Variants in CDC5L observed in about 807,000 individuals in gnomAD.
CDC5L encodes cell division cycle 5-like protein.
Under a neutral mutation model 104.1 loss-of-function variants are expected in CDC5L, and 18 were observed. The observed-to-expected ratio is 0.17, with a 90% CI of 0.12 to 0.26. CDC5L has a LOEUF of 0.26. Among genes scored for constraint, CDC5L ranks in the 10% least tolerant of loss-of-function variants. CDC5L has a pLI of 1.00. For synonymous variants in CDC5L, 331 were observed against 322.7 expected, an observed-to-expected ratio of 1.03 and a Z score of -0.28; for missense variants, 673 against 956.9, an observed-to-expected ratio of 0.70 and a Z score of 3.91.
At chr6:44,389,114 T>TTGCTCGACAGGTATTTGCAGAATGA (rs1790484441) in intron 1 of CDC5L, among the ~76,000 whole-genome samples, 1 of 152,128 alleles carries the variant, frequency 6.6e-6, no homozygotes, top group Non-Finnish European at 1.5e-5. Context: ...ATGAAGTAGG[T>TTGCTCGACAGGTATTTGCAGAATGA]TGCTCGACAG....
chr6:44,424,040 A>G (rs757113709), intron 10 of CDC5L, among the ~76,000 whole-genome samples: 6 of 152,204 alleles, frequency 3.9e-5, no homozygotes, highest in Non-Finnish European at 7.3e-5. Context: ...GAAAATAAAC[A>G]TAAGACTTGT....
intron 1 of CDC5L, among the ~76,000 whole-genome samples, chr6:44,388,191 A>C (rs1398875008): frequency 1.7e-5 from 2 of 119,674 alleles, no homozygotes; most frequent in Non-Finnish European, 3.3e-5. Context: ...TCAGAGTTCC[A>C]ACTCAGCCAG....
At position 44,422,664 on chromosome 6, in the gene CDC5L, C is replaced by T; in HGVS notation, c.1259C>T (p.Ala420Val). 6.2e-7 allele frequency: 1 copy of T among 1,609,544 alleles called. No homozygotes were observed. The highest frequency in any genetic ancestry group is 1.1e-5 in the South Asian group (1 of 90,378). Reference protein sequence around the residue: ...STPFRTPSNGAEGLTPRSGTT... With the variant: ...STPFRTPSNGVEGLTPRSGTT... ...CTTTCTAGGACTCCTTCTAATGGAG[C>T]TGAAGGGCTGACTCCCCGGAGTGGA... Residue 420 changes from alanine to valine, a missense_variant, in exon 10 of 16, where the codon GCT becomes GTT. Physicochemically the swap from Ala to Val is moderately conservative, Grantham distance 64. Around this residue, in one of 4 missense-constraint regions of CDC5L, gnomAD observed 578 missense variants for 737.0 expected, o/e 0.78. Transcript: ENST00000371477.
At chr6:44,424,980 G>A (rs1438475013) in intron 11 of CDC5L, among the ~76,000 whole-genome samples, 1 of 152,178 alleles carries the variant, frequency 6.6e-6, no homozygotes, top group Non-Finnish European at 1.5e-5. Context: ...TCGAGAGGCT[G>A]AGGTGGGAGG....
intron 4 of CDC5L, among the ~76,000 whole-genome samples, chr6:44,394,637 C>G (rs901770222): frequency 6.8e-6 from 1 of 147,218 alleles, no homozygotes; most frequent in African/African-American, 2.5e-5. Flanking sequence ...GGGCAGATCA[C>G]TTGAGCCCAG....
intron 8 of CDC5L, among the ~76,000 whole-genome samples, chr6:44,416,238 G>GA (rs1242153805): frequency 1.3e-5 from 2 of 152,174 alleles, no homozygotes; most frequent in African/African-American, 2.4e-5. Context: ...TTAAAGGTCT[G>GA]AAAAGGAGTG....
At chr6:44,417,953 C>T (rs1791978487) in intron 8 of CDC5L, among the ~76,000 whole-genome samples, 1 of 152,072 alleles carries the variant, frequency 6.6e-6, no homozygotes, top group African/African-American at 2.4e-5. Flanking sequence ...AAAAGCACAC[C>T]TCTACACATA....
In CDC5L at chr6:44,426,636, C is replaced by A; in HGVS notation, c.1805C>A (p.Thr602Asn). The A allele has an allele frequency of 1.2e-6, 2 of 1,613,288 alleles. No homozygotes were observed. The highest frequency in any genetic ancestry group is 1.7e-6 in the Non-Finnish European group (2 of 1,179,462). Residue 602 changes from threonine (T) to asparagine (N), a missense_variant, in exon 13 of 16, where the codon ACT becomes AAT. By Grantham distance (65) the Thr-to-Asn change is moderately conservative (BLOSUM62 0). Coordinates refer to ENST00000371477, the MANE Select transcript of CDC5L (RefSeq NM_001253.4). ...YEPSGNKKGKTVGFGTNNSEH... is the reference protein window; with the variant it reads ...YEPSGNKKGKNVGFGTNNSEH... ...CCATCTGGAAATAAAAAAGGCAAAA[C>A]TGTAGGGTTTGGTACCAATAATTCA...
rs965407281 is a variant in CDC5L at position 44,419,676 on chromosome 6, G to C, written c.1241+79G>C. ...GCATATTTGCTTTAGTAATGTTTAC[G>C]GAGAATGACTACTTATTGTGTTGGA... On this transcript the variant is annotated intron_variant, in intron 9 of 15. Coordinates refer to ENST00000371477, the MANE Select transcript of CDC5L (RefSeq NM_001253.4). The C allele has an allele frequency of 2.2e-5, 23 of 1,040,932 alleles. No homozygotes were observed. The Admixed American group carries it at 4.1e-4, about 19-fold the overall frequency. The allele number at this position is 1,040,932 out of a possible 1,614,324, so 64.5% of individuals were successfully genotyped here.
chr6:44,427,770 G>T (rs1376962273), intron 13 of CDC5L, among the ~76,000 whole-genome samples: 1 of 152,112 alleles, frequency 6.6e-6, no homozygotes. Flanking sequence ...TGAGAATCAG[G>T]CTACGAAATT....
At position 44,450,355 on chromosome 6, in the gene CDC5L, C is replaced by A. The variant is rs962502339; in HGVS notation, c.*3644C>A. 2.0e-5 allele frequency: 3 copies of A among 152,062 alleles called. No homozygotes were observed. Among genetic ancestry groups the A allele is most frequent in the Non-Finnish European group, 1.5e-5 (1 of 68,004 alleles). 9.4% of individuals were successfully genotyped at this position (152,062 alleles called of 1,614,324 possible). A position where few individuals can be genotyped will look rare whatever the true frequency, so the allele number is the denominator to read the frequency against. ...ATAATTTCTTTATAACTGTCAGTTT[C>A]TTTTGTGACTATTATGTTACCTATT... On this transcript the variant is annotated 3_prime_UTR_variant, in exon 16 of 16. Transcript: ENST00000371477.
chr6:44,395,881 GA>G (rs372007955), intron 4 of CDC5L, among the ~76,000 whole-genome samples: 1 of 151,524 alleles, frequency 6.6e-6, no homozygotes, highest in South Asian at 2.1e-4. Flanking sequence ...GTTCTGAGGG[GA>G]AAAAAAAGTA....
At chr6:44,409,127 T>C (rs1791515823) in intron 8 of CDC5L, among the ~76,000 whole-genome samples, 1 of 152,208 alleles carries the variant, frequency 6.6e-6, no homozygotes, top group Non-Finnish European at 1.5e-5. Context: ...TACATCTCAT[T>C]TCCTCATCTC....
chr6:44,425,958 G>T, intron 11 of CDC5L, 145 bp from the exon 12 acceptor site: 1 of 525,340 alleles, frequency 1.9e-6, no homozygotes, highest in Non-Finnish European at 3.4e-6. Flanking sequence ...TGTTGCCTTA[G>T]CATTGCCTTT....
At chr6:44,421,895 G>A (rs972175875) in intron 9 of CDC5L, among the ~76,000 whole-genome samples, 10 of 152,072 alleles carry the variant, frequency 6.6e-5, no homozygotes, top group East Asian at 3.9e-4. Flanking sequence ...TGTATGTCTT[G>A]TCTCTCACCT....
rs777791487 is a variant in CDC5L at position 44,426,684 on chromosome 6, A to C, written c.1853A>C (p.His618Pro). The change falls in exon 13 of 16, where the codon CAT becomes CCT. Residue 618 changes from histidine to proline, a missense_variant. By Grantham distance (77) the His-to-Pro change is moderately conservative. Coordinates refer to ENST00000371477, the MANE Select transcript of CDC5L (RefSeq NM_001253.4). ...NNSEHITYLEHNPYEKFSKEE... is the reference protein window; with the variant it reads ...NNSEHITYLEPNPYEKFSKEE... ...TCAGAGCACATTACCTATCTGGAAC[A>C]TAATCCTTATGAAAAGTTCTCCAAA... 6.2e-7 allele frequency: 1 copy of C among 1,612,942 alleles called. No homozygotes were observed. Among genetic ancestry groups the C allele is most frequent in the East Asian group, 2.2e-5 (1 of 44,780 alleles).
At position 44,393,548 on chromosome 6, in the gene CDC5L, G is replaced by C; in HGVS notation, c.414G>C (p.Arg138=). Residue 138 remains arginine, a synonymous_variant, in exon 4 of 16, where the codon CGG becomes CGC. Coordinates refer to ENST00000371477, the MANE Select transcript of CDC5L (RefSeq NM_001253.4). ...IDPNPETKPA[R]PDPIDMDEDE... is the part of the protein sequence containing the mutation. Reference sequence around the variant, plus strand: ...CAAATCCAGAAACAAAACCAGCGCGGCCTGATCCAATTGATATGGATGAGG... The same window carrying C: ...CAAATCCAGAAACAAAACCAGCGCGCCCTGATCCAATTGATATGGATGAGG... 1 of 1,613,868 alleles carries C rather than the reference G, an allele frequency of 6.2e-7. No homozygotes were observed. Among genetic ancestry groups the C allele is most frequent in the Middle Eastern group, 1.7e-4 (1 of 6,060 alleles).
intron 12 of CDC5L, 120 bp downstream of exon 12, chr6:44,426,303 A>C: frequency 5.1e-6 from 4 of 783,034 alleles, no homozygotes; most frequent in Non-Finnish European, 8.2e-6. Context: ...AATATAGCAA[A>C]GTAGTTCTCA....
intron 8 of CDC5L, 22 bp from the exon 9 acceptor site, chr6:44,419,424 GCTT>G (rs1171303968): frequency 6.2e-7 from 1 of 1,611,766 alleles, no homozygotes; most frequent in Non-Finnish European, 8.5e-7. Flanking sequence ...TTTTAAACTT[GCTT>G]CTTTGTCTTC....
Sources: allele counts gnomAD v4.1 joint callset (sites outside exome capture counted in the v4.1 genomes callset), GRCh38; gene constraint gnomAD v4.1.1; regional missense constraint gnomAD v4.1.1; transcripts MANE v1.5; gene names NCBI Gene and HGNC (gene_info 2026-07-23, HGNC 2026-07-21).